Variants in PTH2R observed in about 807,000 individuals in gnomAD.
PTH2R encodes PTH2 receptor.
Under a neutral mutation model 60.3 loss-of-function variants are expected in PTH2R, and 59 were observed. The observed-to-expected ratio is 0.98, with a 90% CI of 0.79 to 1.22. The LOEUF (loss-of-function observed/expected upper bound fraction) is 1.22. Ranked by LOEUF, PTH2R falls within the 50% of genes most tolerant of loss-of-function variation. PTH2R has a pLI of 0.00. For synonymous variants in PTH2R, 256 were observed against 243.8 expected (o/e 1.05, Z -0.47); for missense variants, 749 against 682.6 (o/e 1.10, Z -1.08).
intron 1 of PTH2R, among the ~76,000 whole-genome samples, chr2:208,418,109 T>G (rs1465672447): frequency 1.3e-5 from 2 of 152,014 alleles, no homozygotes; most frequent in Non-Finnish European, 2.9e-5. Flanking sequence ...GTAAAAAAAC[T>G]ACCACTTAGC....
chr2:208,410,902 A>G (rs1032969387), intron 1 of PTH2R, among the ~76,000 whole-genome samples: 1 of 152,152 alleles, frequency 6.6e-6, no homozygotes, highest in South Asian at 2.1e-4. Flanking sequence ...TGTTAATTAC[A>G]AATTGTGGTG....
At chr2:208,385,305 AAC>A (rs1700982677) in intron 1 of PTH2R, among the ~76,000 whole-genome samples, 2 of 152,310 alleles carry the variant, frequency 1.3e-5, no homozygotes, top group Middle Eastern at 3.4e-3. Flanking sequence ...GTGGTCAGTA[AAC>A]ACATCAAAAA....
intron 8 of PTH2R, among the ~76,000 whole-genome samples, chr2:208,455,070 T>A (rs533580105): frequency 6.6e-6 from 1 of 152,346 alleles, no homozygotes; most frequent in African/African-American, 2.4e-5. Context: ...GCATTTTTCC[T>A]TACTTTGATC....
intron 9 of PTH2R, among the ~76,000 whole-genome samples, chr2:208,461,128 T>C (rs1702625723): frequency 6.6e-6 from 1 of 152,192 alleles, no homozygotes; most frequent in African/African-American, 2.4e-5. Context: ...AGAGAAGCTA[T>C]TTTGTATCCT....
chr2:208,426,573 C>T (rs2105852401), intron 1 of PTH2R, among the ~76,000 whole-genome samples: 1 of 152,292 alleles, frequency 6.6e-6, no homozygotes, highest in Admixed American at 6.5e-5. Context: ...CCCCACATGT[C>T]AAGGGTGGAA....
intron 5 of PTH2R, 68 bp downstream of exon 5, chr2:208,442,529 G>A (rs1002898387): frequency 3.0e-5 from 36 of 1,218,182 alleles, no homozygotes; most frequent in South Asian, 1.6e-4. Flanking sequence ...AAGACATAGC[G>A]GTCTCACAAT....
intron 9 of PTH2R, among the ~76,000 whole-genome samples, chr2:208,479,190 A>C (rs1703089554): frequency 6.6e-6 from 1 of 150,494 alleles, no homozygotes; most frequent in Admixed American, 6.6e-5. Flanking sequence ...AAATGGGTGG[A>C]CTCATCGGCA....
intron 11 of PTH2R, among the ~76,000 whole-genome samples, chr2:208,490,132 C>T (rs2105912598): frequency 6.6e-6 from 1 of 152,184 alleles, no homozygotes; most frequent in African/African-American, 2.4e-5. Context: ...ATGTCTCTTC[C>T]TTTCTAGAAC....
At chr2:208,371,742 C>G (rs534845266) in intron 1 of PTH2R, among the ~76,000 whole-genome samples, 1 of 152,168 alleles carries the variant, frequency 6.6e-6, no homozygotes, top group South Asian at 2.1e-4. Context: ...TGAGATGCCT[C>G]TCTGAGTCAT....
intron 2 of PTH2R, 102 bp downstream of exon 2, chr2:208,428,405 T>C: frequency 1.3e-6 from 1 of 770,526 alleles, no homozygotes; most frequent in Non-Finnish European, 2.2e-6. Flanking sequence ...TCCTTATCAG[T>C]CAATCCACAT....
At position 208,396,190 on chromosome 2, in the gene PTH2R, C is replaced by T. The variant is rs537648731; in HGVS notation, c.-258-32011C>T. 5.3e-5 allele frequency among the ~76,000 whole-genome samples: 8 copies of T among 152,232 alleles called. No individual in the cohort carries two copies. In the East Asian group the frequency reaches 1.5e-3, roughly 29 times the overall value. ...ATGGATTGAAGACTTAAATGTTAGA[C>T]CTAAAACCATAAAAACCCTAGAAGA... On this transcript the variant is annotated intron_variant, in intron 1 of 12. Coordinates refer to the PTH2R transcript ENST00000617735.
At chr2:208,432,931 T>G (rs888760816) in intron 2 of PTH2R, among the ~76,000 whole-genome samples, 4 of 152,146 alleles carry the variant, frequency 2.6e-5, no homozygotes, top group African/African-American at 9.7e-5. Context: ...CCCAGTCCAC[T>G]AACTCAAATG....
chr2:208,442,484 T>C (rs1702206024), intron 5 of PTH2R, 23 bp downstream of exon 5: 1 of 1,512,966 alleles, frequency 6.6e-7, no homozygotes, highest in African/African-American at 1.4e-5. Flanking sequence ...CATCACTTTT[T>C]CCATGAAGGG....
At chr2:208,442,171 G>A (rs1025213818) in intron 4 of PTH2R, among the ~76,000 whole-genome samples, 193 bp from the exon 5 acceptor site, 2 of 152,046 alleles carry the variant, frequency 1.3e-5, no homozygotes, top group Non-Finnish European at 2.9e-5. Flanking sequence ...CTAGCAAGGG[G>A]CACAAATGAA....
upstream of PTH2R, chr2:208,406,783 G>A (rs947505453): frequency 2.0e-5 from 7 of 346,942 alleles, no homozygotes; most frequent in Non-Finnish European, 3.6e-5. Flanking sequence ...GGGGCTGCGA[G>A]TCAAGTCCAG....
chr2:208,417,483 G>A lies in PTH2R; in HGVS notation c.75+10365G>A, dbSNP rs112910845. On this transcript the variant is annotated intron_variant, in intron 1 of 12. Coordinates refer to ENST00000272847, the MANE Select transcript of PTH2R (RefSeq NM_005048.4). ...TTCCAGGTCTGTTTGTTACAATAAAGCTGGTCATAAAAACACAAGTACTTG... is the reference window on the plus strand; with the variant it reads ...TTCCAGGTCTGTTTGTTACAATAAAACTGGTCATAAAAACACAAGTACTTG... Among the ~76,000 whole-genome samples the A allele has an allele frequency of 8.0e-3, 1,191 of 148,746 alleles. 6 individuals are homozygous for A. Among genetic ancestry groups the A allele is most frequent in the Non-Finnish European group, 0.013 (843 of 67,272 alleles).
intron 1 of PTH2R, among the ~76,000 whole-genome samples, chr2:208,425,124 A>G (rs1185545785): frequency 2.0e-5 from 3 of 152,208 alleles, no homozygotes; most frequent in Non-Finnish European, 4.4e-5. Context: ...AGCAGAACAA[A>G]ATAATTACAT....
intron 1 of PTH2R, among the ~76,000 whole-genome samples, chr2:208,364,223 A>C (rs1700535767): frequency 6.6e-6 from 1 of 152,060 alleles, no homozygotes; most frequent in Non-Finnish European, 1.5e-5. Flanking sequence ...TTTATGTTTG[A>C]TGCAGTCCCA....
At chr2:208,413,661 A>G (rs1701585367) in intron 1 of PTH2R, among the ~76,000 whole-genome samples, 1 of 152,230 alleles carries the variant, frequency 6.6e-6, no homozygotes, top group South Asian at 2.1e-4. Context: ...ACATTCTTGA[A>G]GTTTTCTATG....
Sources: allele counts gnomAD v4.1 joint callset (sites outside exome capture counted in the v4.1 genomes callset), GRCh38; gene constraint gnomAD v4.1.1; transcripts MANE v1.5; gene names NCBI Gene and HGNC (gene_info 2026-07-23, HGNC 2026-07-21).